The following APBB2 variants were observed in gnomAD, a reference collection of about 807,000 sequenced individuals.
APBB2 encodes Fe65-like 1.
APBB2 carries 38 observed loss-of-function variants against 82.5 expected under a neutral mutation model. The ratio of observed to expected loss-of-function variants is 0.46; its 90% CI spans 0.36 to 0.60. APBB2 has a LOEUF of 0.60. Among genes scored for constraint, APBB2 ranks in the 20% least tolerant of loss-of-function variants. The pLI, the probability that APBB2 is intolerant of heterozygous loss-of-function variation, is 0.00. For missense variants in APBB2, 772 were observed against 972.3 expected, an observed-to-expected ratio of 0.79 and a Z score of 2.74; for synonymous variants, 341 against 368.2, an observed-to-expected ratio of 0.93 and a Z score of 0.85.
At chr4:41,055,413 C>A (rs1727481863) in intron 4 of APBB2, among the ~76,000 whole-genome samples, 1 of 152,212 alleles carries the variant, frequency 6.6e-6, no homozygotes, top group Non-Finnish European at 1.5e-5. Flanking sequence ...CTGCTCTATT[C>A]CCAGTGCCCA....
chr4:41,198,327 A>G, intron 1 of APBB2, among the ~76,000 whole-genome samples: 3 of 152,176 alleles, frequency 2.0e-5, no homozygotes, highest in African/African-American at 7.2e-5. Context: ...CAACATGTAC[A>G]CTTACTGGCT....
At chr4:41,073,791 GA>G (rs149131667) in intron 3 of APBB2, among the ~76,000 whole-genome samples, 2 of 151,888 alleles carry the variant, frequency 1.3e-5, no homozygotes, top group African/African-American at 4.8e-5. Flanking sequence ...AACAACAAAA[GA>G]AAAAAACAGC....
chr4:40,883,260 C>T (rs947598902), intron 12 of APBB2, among the ~76,000 whole-genome samples: 1 of 152,174 alleles, frequency 6.6e-6, no homozygotes, highest in South Asian at 2.1e-4. Flanking sequence ...GTGTTCAAGG[C>T]TGCAGTGAGC....
At position 40,982,213 on chromosome 4, in the gene APBB2, AAAAGAAAGGAAAGAAAGAAAGAAAG is replaced by A. The variant is rs1251144251; in HGVS notation, c.835+31345_835+31369del. On this transcript the variant is annotated intron_variant, in intron 6 of 17. Transcript: ENST00000508593. The stretch of plus-strand genomic sequence containing the variant: ...AAAAAAGGAAAGAAAGAAAAGAAAG[AAAAGAAAGGAAAGAAAGAAAGAAAG>A]AAAGAAAGAAAGAAAGAAAGAAAGA... Among the ~76,000 whole-genome samples, 93 of 29,650 alleles carry A rather than the reference AAAAGAAAGGAAAGAAAGAAAGAAAG, an allele frequency of 3.1e-3. 5 individuals carry two copies. The highest frequency in any genetic ancestry group is 3.8e-3 in the Non-Finnish European group (56 of 14,754). The allele number at this position is 29,650 out of a possible 152,430, so 19.5% of individuals were successfully genotyped here.
At chr4:41,175,940 A>T (rs1769650991) in intron 1 of APBB2, among the ~76,000 whole-genome samples, 1 of 152,156 alleles carries the variant, frequency 6.6e-6, no homozygotes, top group Admixed American at 6.6e-5. Context: ...GGTGAAGTTT[A>T]TGTACAAAAC....
At chr4:41,025,084 C>T (rs745873843) in intron 5 of APBB2, among the ~76,000 whole-genome samples, 38 of 152,194 alleles carry the variant, frequency 2.5e-4, no homozygotes, top group Non-Finnish European at 4.6e-4. Context: ...TGTTAATCCG[C>T]TGGGTCTGAG....
chr4:40,818,425 G>C (rs925293496), intron 17 of APBB2, among the ~76,000 whole-genome samples: 1 of 152,160 alleles, frequency 6.6e-6, no homozygotes, highest in Non-Finnish European at 1.5e-5. Flanking sequence ...ACTCATTGTC[G>C]TTATCACTTA....
At chr4:40,971,922 A>C (rs1796015908) in intron 6 of APBB2, among the ~76,000 whole-genome samples, 1 of 152,186 alleles carries the variant, frequency 6.6e-6, no homozygotes, top group South Asian at 2.1e-4. Context: ...TTTGAGCTTC[A>C]ACTTTAGCGC....
chr4:41,092,605 C>T (rs10049612), intron 3 of APBB2, among the ~76,000 whole-genome samples: 27,829 of 151,106 alleles, frequency 0.18, 2,651 homozygotes, highest in African/African-American at 0.23. Context: ...AGGAGAATCG[C>T]TTGAACCCGA....
intron 6 of APBB2, among the ~76,000 whole-genome samples, chr4:40,975,289 G>T (rs541819685): frequency 6.6e-6 from 1 of 152,300 alleles, no homozygotes; most frequent in African/African-American, 2.4e-5. Flanking sequence ...TTCAATAAGT[G>T]AATTGAACGT....
At chr4:40,827,264 C>A (rs901995676) in intron 13 of APBB2, 45 bp from the exon 14 acceptor site, 1 of 1,548,142 alleles carries the variant, frequency 6.5e-7, no homozygotes, top group Non-Finnish European at 8.9e-7. Context: ...TTCAAGCCCC[C>A]ATGTCTTCAG....
chr4:40,951,250 T>C (rs1156945564), intron 6 of APBB2, among the ~76,000 whole-genome samples: 1 of 11,644 alleles, frequency 8.6e-5, no homozygotes, highest in Admixed American at 7.2e-4. Flanking sequence ...AAGCTGTATG[T>C]TTACAGTATG....
chr4:41,016,122 C>T (rs1042536860), intron 5 of APBB2, among the ~76,000 whole-genome samples: 3 of 152,094 alleles, frequency 2.0e-5, no homozygotes, highest in Non-Finnish European at 4.4e-5. Context: ...TTTTTAGACT[C>T]TTGGGTATTT....
At chr4:40,907,365 ATATATATATATATATTTTTTTTTT>A (rs1777172410) in intron 10 of APBB2, among the ~76,000 whole-genome samples, 2 of 85,028 alleles carry the variant, frequency 2.4e-5, no homozygotes, top group South Asian at 3.8e-4. Context: ...ATATATATAT[ATATATATATATATATTTTTTTTTT>A]TTTTTTTTTT....
At chr4:41,046,958 A>AT (rs1210650634) in intron 4 of APBB2, among the ~76,000 whole-genome samples, 1 of 152,214 alleles carries the variant, frequency 6.6e-6, no homozygotes, top group Non-Finnish European at 1.5e-5. Flanking sequence ...TCACCTGTTA[A>AT]TTTTTCTTAG....
At position 40,832,707 on chromosome 4, in the gene APBB2, C is replaced by T. The variant is rs1363682889; in HGVS notation, c.1530-2130G>A. Among the ~76,000 whole-genome samples, 1 of 152,202 alleles carries T rather than the reference C, an allele frequency of 6.6e-6. No individual in the cohort carries two copies. Among genetic ancestry groups the T allele is most frequent in the Non-Finnish European group, 1.5e-5 (1 of 68,032 alleles). On this transcript the variant is annotated intron_variant, in intron 12 of 17. Transcript: ENST00000508593. This position sits in a 1 kb window ranked among gnomAD's most constrained non-coding sequence, Gnocchi z 4.8. The stretch of plus-strand genomic sequence containing the variant: ...AAGATGGGTGAGAGCCTGGAAGGTT[C>T]CTCGCACACACAGTACATACACGGG...
intron 10 of APBB2, among the ~76,000 whole-genome samples, chr4:40,917,241 G>C (rs1560896241): frequency 6.6e-6 from 1 of 152,148 alleles, no homozygotes; most frequent in Non-Finnish European, 1.5e-5. Context: ...TATTCTCTAA[G>C]TGAACTCCAG....
intron 2 of APBB2, among the ~76,000 whole-genome samples, chr4:41,118,478 G>A (rs188637701): frequency 5.5e-4 from 83 of 152,164 alleles, no homozygotes; most frequent in African/African-American, 1.9e-3. Flanking sequence ...AACACAAACC[G>A]TCAAATACCC....
intron 4 of APBB2, among the ~76,000 whole-genome samples, chr4:41,061,755 T>C (rs1011530452): frequency 2.0e-5 from 3 of 152,218 alleles, no homozygotes; most frequent in Non-Finnish European, 2.9e-5. Context: ...CCATTCTGCA[T>C]TCCATCCAAG....
Sources: gnomAD v4.1 joint callset for allele counts (sites outside exome capture counted in the v4.1 genomes callset) on GRCh38, gnomAD v4.1.1 for gene constraint, Gnocchi (gnomAD v3.1) non-coding constraint, MANE v1.5 for transcripts, NCBI Gene and HGNC (gene_info 2026-07-23, HGNC 2026-07-21) for gene names.